SNRPN: variants seen among roughly 807,000 people sequenced by gnomAD.
SNRPN encodes the protein small nuclear ribonucleoprotein polypeptide N.
SNRPN carries 7 observed loss-of-function variants against 25.2 expected under a neutral mutation model. That is an observed-to-expected ratio of 0.28 (90% CI 0.16 to 0.52). The LOEUF (loss-of-function observed/expected upper bound fraction) is 0.52, where lower values mean the gene tolerates loss of function less well. Ranked by LOEUF, SNRPN falls within the 20% of genes least tolerant of loss-of-function variation. The pLI is 0.96. For missense variants in SNRPN, 196 were observed against 322.5 expected, an observed-to-expected ratio of 0.61 and a Z score of 3.00; for synonymous variants, 124 against 110.6, an observed-to-expected ratio of 1.12 and a Z score of -0.76.
At chr15:24,891,318 G>A (rs2150552828) in intron 2 of SNRPN, among the ~76,000 whole-genome samples, 1 of 152,008 alleles carries the variant, frequency 6.6e-6, no homozygotes, top group South Asian at 2.1e-4. Flanking sequence ...GTTAATTTCT[G>A]TATTTCTAAG....
intron 1 of SNRPN, among the ~76,000 whole-genome samples, chr15:24,879,494 G>A (rs4906931): frequency 0.28 from 42,196 of 151,672 alleles, 6,063 homozygotes; most frequent in African/African-American, 0.3. Flanking sequence ...GAAAATATAT[G>A]TGTGATGTTT....
intron 1 of SNRPN, among the ~76,000 whole-genome samples, chr15:24,826,389 T>TTGCA (rs1417761896): frequency 6.6e-6 from 1 of 152,140 alleles, no homozygotes; most frequent in Non-Finnish European, 1.5e-5. Context: ...AATAGTGGGC[T>TTGCA]TGCATGGCTG....
upstream of SNRPN, among the ~76,000 whole-genome samples, chr15:24,952,972 T>C (rs1467535138): frequency 2.0e-5 from 3 of 152,024 alleles, no homozygotes; most frequent in Non-Finnish European, 4.4e-5. Context: ...GAATAAAAAA[T>C]GAACACCCAA....
At chr15:24,833,645 T>A (rs1472171608) in intron 2 of SNRPN, among the ~76,000 whole-genome samples, 1 of 152,068 alleles carries the variant, frequency 6.6e-6, no homozygotes, top group African/African-American at 2.4e-5. Context: ...AAGAAGGCGA[T>A]GTGTAACATA....
chr15:24,894,292 C>T (rs1443967039), intron 2 of SNRPN, among the ~76,000 whole-genome samples: 1 of 151,716 alleles, frequency 6.6e-6, no homozygotes, highest in Non-Finnish European at 1.5e-5. Flanking sequence ...GATCTCGGCT[C>T]ACTGCAAGCT....
At chr15:24,915,687 C>T (rs929385610) in intron 2 of SNRPN, among the ~76,000 whole-genome samples, 1 of 152,250 alleles carries the variant, frequency 6.6e-6, no homozygotes, top group African/African-American at 2.4e-5. Flanking sequence ...TTGTTGCATT[C>T]TACAACATAA....
At chr15:24,900,899 G>A (rs572963480) in intron 2 of SNRPN, among the ~76,000 whole-genome samples, 4 of 152,020 alleles carry the variant, frequency 2.6e-5, no homozygotes, top group South Asian at 2.1e-4. Context: ...ATTTAAGACC[G>A]GTTTGGGCAA....
chr15:24,967,276 A>G (rs1391169497), intron 2 of SNRPN: 1 of 152,800 alleles, frequency 6.5e-6, no homozygotes, highest in Non-Finnish European at 1.5e-5. Flanking sequence ...CCCTTGTACA[A>G]TCTCTGTGTA....
intron 1 of SNRPN, among the ~76,000 whole-genome samples, chr15:24,878,023 C>G (rs1430058725): frequency 6.6e-6 from 1 of 152,170 alleles, no homozygotes; most frequent in Non-Finnish European, 1.5e-5. Context: ...CATGGACAAA[C>G]ACATAAAATT....
intron 2 of SNRPN, among the ~76,000 whole-genome samples, chr15:24,906,797 T>C (rs913731770): frequency 1.3e-5 from 2 of 152,190 alleles, no homozygotes; most frequent in Non-Finnish European, 2.9e-5. Context: ...TTTAGGTGAA[T>C]GGCTGAGCAG....
intron 9 of SNRPN, 35 bp downstream of exon 9, chr15:24,978,353 A>G (rs1596355759): frequency 2.5e-6 from 4 of 1,614,006 alleles, no homozygotes; most frequent in Admixed American, 1.7e-5. Context: ...TGGTTCAGCC[A>G]GGCCCCTGAA....
At chr15:24,932,802 G>A (rs960095008) in intron 3 of SNRPN, among the ~76,000 whole-genome samples, 5 of 151,848 alleles carry the variant, frequency 3.3e-5, no homozygotes, top group African/African-American at 7.3e-5. Flanking sequence ...GGCATGTGCC[G>A]CCACACCCAG....
chr15:24,893,233 A>G (rs1040300077), intron 2 of SNRPN, among the ~76,000 whole-genome samples: 2 of 57,084 alleles, frequency 3.5e-5, no homozygotes, highest in Non-Finnish European at 6.3e-5. Flanking sequence ...ACAAACAAAC[A>G]AAAACAGAAA....
intron 2 of SNRPN, among the ~76,000 whole-genome samples, chr15:24,835,106 A>AGT (rs1566807602): frequency 0.036 from 723 of 20,102 alleles, 21 homozygotes; most frequent in Non-Finnish European, 0.051. Context: ...AGATATATAT[A>AGT]CTATATATCT....
intron 3 of SNRPN, among the ~76,000 whole-genome samples, chr15:24,932,559 A>T (rs144657367): frequency 6.6e-6 from 1 of 152,086 alleles, no homozygotes; most frequent in African/African-American, 2.4e-5. Context: ...AAGGCAGCTC[A>T]GAGGAACCTG....
intron 3 of SNRPN, chr15:24,921,026 T>C (rs1370510136): frequency 6.6e-6 from 1 of 152,164 alleles, no homozygotes; most frequent in Admixed American, 6.5e-5. Flanking sequence ...CTTCAGCCCA[T>C]TTTTCTGATG....
Position 24,922,991 on chromosome 15 carries a change from C to T in SNRPN, c.-391+2867C>T, listed in dbSNP as rs375422550. Among the ~76,000 whole-genome samples the T allele has an allele frequency of 4.2e-5, 6 of 142,976 alleles. No homozygotes were observed. In the East Asian group the frequency reaches 8.9e-4, roughly 21 times the overall value. 93.8% of individuals were successfully genotyped at this position (142,976 alleles called of 152,430 possible). ...CGCAATCTCAGCTCACTGCAACCTCCGCCTTCTGCATTGAAGCGATTCTCC... is the reference window on the plus strand; with the variant it reads ...CGCAATCTCAGCTCACTGCAACCTCTGCCTTCTGCATTGAAGCGATTCTCC... On this transcript the variant is annotated intron_variant, in intron 3 of 11. Transcript: ENST00000400097.
chr15:24,887,650 G>A (rs1209030328), intron 2 of SNRPN, among the ~76,000 whole-genome samples: 1 of 152,130 alleles, frequency 6.6e-6, no homozygotes, highest in South Asian at 2.1e-4. Context: ...TCAGAAAAAT[G>A]TAACCGAAAA....
chr15:24,902,743 T>C (rs970351698), intron 2 of SNRPN, among the ~76,000 whole-genome samples: 4 of 152,198 alleles, frequency 2.6e-5, no homozygotes, highest in Admixed American at 2.6e-4. Flanking sequence ...GGTGGGTTCA[T>C]GGTCTCGCCG....
Sources: allele counts gnomAD v4.1 joint callset (sites outside exome capture counted in the v4.1 genomes callset), GRCh38; gene constraint gnomAD v4.1.1; transcripts MANE v1.5; gene names NCBI Gene and HGNC (gene_info 2026-07-23, HGNC 2026-07-21).